Variants in SLAIN2 observed in about 807,000 individuals in gnomAD.
SLAIN2 encodes the protein SLAIN motif-containing protein 2.
A neutral mutation model predicts 56.6 loss-of-function variants in SLAIN2; 31 were observed. The observed-to-expected ratio is 0.55, with a 90% CI of 0.41 to 0.74. SLAIN2 has a LOEUF of 0.74. SLAIN2 is among the 30% of genes least tolerant of loss of function. The pLI, the probability that SLAIN2 is intolerant of heterozygous loss-of-function variation, is 0.00. For synonymous variants in SLAIN2, 317 were observed against 284.9 expected (o/e 1.11, Z -1.13); for missense variants, 777 against 754.2 (o/e 1.03, Z -0.35).
chr4:48,356,060 A>G (rs1715146262), intron 1 of SLAIN2, among the ~76,000 whole-genome samples: 1 of 152,154 alleles, frequency 6.6e-6, no homozygotes, highest in Non-Finnish European at 1.5e-5. Flanking sequence ...AAAAGTGTTA[A>G]TTTTTTAAAC....
intron 1 of SLAIN2, among the ~76,000 whole-genome samples, chr4:48,360,446 C>T (rs920811334): frequency 6.6e-6 from 1 of 151,472 alleles, no homozygotes; most frequent in African/African-American, 2.4e-5. Flanking sequence ...CAAACATTAG[C>T]CAGCATGGTG....
At position 48,341,919 on chromosome 4, in the gene SLAIN2, C is replaced by T. The variant is rs546021203; in HGVS notation, c.180C>T (p.Gly60=). The part of the protein sequence containing the change: ...VRAGASIPSS[G]AASPRGFPLG... ...CCGGCGCGTCCATTCCCTCCTCCGGCGCGGCGTCTCCTCGGGGCTTCCCCT... is the reference window on the plus strand; with the variant it reads ...CCGGCGCGTCCATTCCCTCCTCCGGTGCGGCGTCTCCTCGGGGCTTCCCCT... The change falls in exon 1 of 8, where the codon GGC becomes GGT. Residue 60 remains glycine (G), a synonymous_variant. Coordinates refer to ENST00000264313, the MANE Select transcript of SLAIN2 (RefSeq NM_020846.2). The T allele has an allele frequency of 2.0e-6, 3 of 1,505,326 alleles. No homozygotes were observed. Among genetic ancestry groups the T allele is most frequent in the Middle Eastern group, 4.6e-4 (2 of 4,320 alleles). 93.2% of individuals were successfully genotyped at this position (1,505,326 alleles called of 1,614,324 possible). A position where few individuals can be genotyped will look rare whatever the true frequency, so the allele number is the denominator to read the frequency against.
At chr4:48,386,508 A>G (rs1012279045) in intron 6 of SLAIN2, among the ~76,000 whole-genome samples, 2 of 152,340 alleles carry the variant, frequency 1.3e-5, no homozygotes. Flanking sequence ...TTTTCCTAAG[A>G]TTTAAAATTC....
chr4:48,379,225 T>C (rs1444840877), intron 3 of SLAIN2, among the ~76,000 whole-genome samples: 1 of 152,170 alleles, frequency 6.6e-6, no homozygotes, highest in Non-Finnish European at 1.5e-5. Context: ...CTCTAAGGAA[T>C]CTAATTTTAT....
intron 6 of SLAIN2, among the ~76,000 whole-genome samples, chr4:48,390,467 G>T (rs1293637909): frequency 1.3e-5 from 2 of 152,030 alleles, no homozygotes; most frequent in Non-Finnish European, 2.9e-5. Flanking sequence ...TTAGTATTTA[G>T]CACCTAGAGA....
intron 2 of SLAIN2, among the ~76,000 whole-genome samples, 173 bp from the exon 3 acceptor site, chr4:48,377,723 A>C (rs1715859147): frequency 6.6e-6 from 1 of 152,172 alleles, no homozygotes; most frequent in Admixed American, 6.5e-5. Context: ...ACACAGTTTA[A>C]GATAATAGAA....
chr4:48,349,612 T>A (rs1162384750), intron 1 of SLAIN2, among the ~76,000 whole-genome samples: 1 of 152,224 alleles, frequency 6.6e-6, no homozygotes, highest in Non-Finnish European at 1.5e-5. Context: ...TTTTTGTGAT[T>A]TCCAAGTTTT....
chr4:48,414,684 A>G (rs1383410933), intron 6 of SLAIN2, among the ~76,000 whole-genome samples: 4 of 115,208 alleles, frequency 3.5e-5, no homozygotes, highest in Non-Finnish European at 7.0e-5. Context: ...CATTAGGTAT[A>G]TCTCCCAATG....
chr4:48,412,365 TACACACACACACACACACAC>T (rs748099130), intron 6 of SLAIN2, among the ~76,000 whole-genome samples: 22 of 112,986 alleles, frequency 1.9e-4, no homozygotes, highest in African/African-American at 5.0e-4. Flanking sequence ...TTTGTATATG[TACACACACACACACACACAC>T]ACACACACAC....
intron 1 of SLAIN2, among the ~76,000 whole-genome samples, chr4:48,347,558 A>T (rs1170642963): frequency 1.3e-5 from 2 of 152,168 alleles, no homozygotes; most frequent in Non-Finnish European, 2.9e-5. Flanking sequence ...TCCTTTACAC[A>T]TGTTAAATCA....
chr4:48,397,334 C>G (rs1335837922), intron 6 of SLAIN2, among the ~76,000 whole-genome samples: 1 of 151,884 alleles, frequency 6.6e-6, no homozygotes, highest in Non-Finnish European at 1.5e-5. Flanking sequence ...GTTCTTGCCT[C>G]TTCTGTATTT....
chr4:48,368,235 A>G (rs1715577123), intron 1 of SLAIN2, among the ~76,000 whole-genome samples: 1 of 151,642 alleles, frequency 6.6e-6, no homozygotes, highest in South Asian at 2.1e-4. Context: ...TTTTTAGTAG[A>G]GATGGGGTTT....
At chr4:48,413,215 G>A (rs1716911245) in intron 6 of SLAIN2, among the ~76,000 whole-genome samples, 2 of 135,554 alleles carry the variant, frequency 1.5e-5, no homozygotes, top group South Asian at 2.7e-4. Flanking sequence ...GTGATAGAGC[G>A]AGACTCTGCC....
At chr4:48,419,283 A>T (rs1717084129) in intron 6 of SLAIN2, among the ~76,000 whole-genome samples, 1 of 151,988 alleles carries the variant, frequency 6.6e-6, no homozygotes, top group African/African-American at 2.4e-5. Context: ...TTGTATTTTT[A>T]GTAGAGATGG....
chr4:48,388,436 A>G (rs1716154515), intron 6 of SLAIN2, among the ~76,000 whole-genome samples: 1 of 152,236 alleles, frequency 6.6e-6, no homozygotes, highest in South Asian at 2.1e-4. Context: ...ATTGGTTGAG[A>G]AATAAGGGAA....
At chr4:48,353,230 A>G (rs974790441) in intron 1 of SLAIN2, among the ~76,000 whole-genome samples, 1 of 152,204 alleles carries the variant, frequency 6.6e-6, no homozygotes, top group East Asian at 1.9e-4. Flanking sequence ...TCAATGGAGC[A>G]CTAACCAGAT....
intron 2 of SLAIN2, among the ~76,000 whole-genome samples, chr4:48,374,117 A>G (rs1179279467): frequency 6.6e-6 from 1 of 152,220 alleles, no homozygotes; most frequent in African/African-American, 2.4e-5. Context: ...GAAGCATGAC[A>G]TATACGAAGA....
intron 1 of SLAIN2, among the ~76,000 whole-genome samples, chr4:48,356,522 T>C (rs1715161154): frequency 6.6e-6 from 1 of 152,204 alleles, no homozygotes; most frequent in African/African-American, 2.4e-5. Flanking sequence ...ACATAAAGAC[T>C]GTATTGCAGC....
intron 1 of SLAIN2, among the ~76,000 whole-genome samples, chr4:48,362,539 C>T (rs888283999): frequency 4.0e-5 from 6 of 150,236 alleles, no homozygotes; most frequent in Non-Finnish European, 3.0e-5. Flanking sequence ...CTGCCTCAGC[C>T]TCCCAAGTAG....
Sources: gnomAD v4.1 joint callset for allele counts (sites outside exome capture counted in the v4.1 genomes callset) on GRCh38, gnomAD v4.1.1 for gene constraint, MANE v1.5 for transcripts, NCBI Gene and HGNC (gene_info 2026-07-23, HGNC 2026-07-21) for gene names.